Variants in RABGAP1 observed in about 807,000 individuals in gnomAD.
RABGAP1 encodes RAB GTPase activating protein 1, also known as rab GTPase-activating protein 1.
A neutral mutation model predicts 137.6 loss-of-function variants in RABGAP1; 23 were observed. The observed-to-expected ratio is 0.17, with a 90% CI of 0.12 to 0.24. The LOEUF is 0.24. Among genes scored for constraint, RABGAP1 ranks in the 10% least tolerant of loss-of-function variants. RABGAP1 has a pLI of 1.00. For synonymous variants in RABGAP1, 451 were observed against 450.7 expected (o/e 1.00, Z -0.01); for missense variants, 906 against 1,275.8 (o/e 0.71, Z 4.42).
In RABGAP1 at chr9:123,020,361, G is replaced by A. The variant is rs929870493; in HGVS notation, c.1696G>A (p.Gly566Ser). The A allele has an allele frequency of 5.6e-6, 9 of 1,601,298 alleles. No homozygotes were observed. Among genetic ancestry groups the A allele is most frequent in the African/African-American group, 2.7e-5 (2 of 74,674 alleles). ...PKQLSSLVRNGVPEALRGEVW... is the reference protein window; with the variant it reads ...PKQLSSLVRNSVPEALRGEVW... ...GCAGTTGTCATCCTTAGTAAGAAAC[G>A]GTGTCCCTGAAGCTCTTCGAGGAGA... Residue 566 changes from glycine (G) to serine (S), a missense_variant, in exon 13 of 26, where the codon GGT (glycine) becomes AGT (serine). Coordinates refer to ENST00000373647, the MANE Select transcript of RABGAP1 (RefSeq NM_012197.4).
At chr9:123,023,039 C>T (rs1048783894) in intron 13 of RABGAP1, among the ~76,000 whole-genome samples, 5 of 152,184 alleles carry the variant, frequency 3.3e-5, no homozygotes, top group South Asian at 2.1e-4. Flanking sequence ...AAATACACTG[C>T]GGTGACCACT....
At chr9:123,025,170 C>T (rs186627216) in intron 13 of RABGAP1, among the ~76,000 whole-genome samples, 84 of 152,184 alleles carry the variant, frequency 5.5e-4, no homozygotes, top group Admixed American at 1.8e-3. Context: ...TATTTTCCTA[C>T]TCAGTAGAAC....
At chr9:123,072,560 G>C (rs1223509984) in intron 15 of RABGAP1, among the ~76,000 whole-genome samples, 1 of 152,178 alleles carries the variant, frequency 6.6e-6, no homozygotes, top group Non-Finnish European at 1.5e-5. Flanking sequence ...TTTAGAGTGA[G>C]GGGAGATGGG....
chr9:122,976,580 A>G (rs765430670), intron 2 of RABGAP1, among the ~76,000 whole-genome samples: 1 of 152,240 alleles, frequency 6.6e-6, no homozygotes. Flanking sequence ...AATATTCAGT[A>G]TCCAAGTAGG....
chr9:122,986,484 G>C lies in RABGAP1; in HGVS notation c.590+65G>C. The C allele has an allele frequency of 1.3e-5, 19 of 1,497,470 alleles. No individual in the cohort carries two copies. The South Asian group carries it at 2.1e-4, about 16-fold the overall frequency. The allele number at this position is 1,497,470 out of a possible 1,614,324, so 92.8% of individuals were successfully genotyped here. On this transcript the variant is annotated intron_variant, in intron 4 of 25. Transcript: ENST00000373647. The stretch of plus-strand genomic sequence containing the variant: ...GATCTCTGACCTGTTGCTTCAGAAA[G>C]AAGCAATAGTGAATAAAATACATAT...
chr9:123,004,781 G>A (rs1239272683), intron 10 of RABGAP1, among the ~76,000 whole-genome samples: 2 of 151,976 alleles, frequency 1.3e-5, no homozygotes, highest in Non-Finnish European at 2.9e-5. Flanking sequence ...AGTCAGCCAG[G>A]CACGGTGGCT....
At chr9:122,937,229 A>G (rs946073461), upstream of RABGAP1, among the ~76,000 whole-genome samples, 6 of 152,370 alleles carry the variant, frequency 3.9e-5, no homozygotes, top group African/African-American at 1.4e-4. Flanking sequence ...AACTCAAACT[A>G]TTCCCACAGA....
At chr9:122,992,150 C>T (rs994765776) in intron 6 of RABGAP1, among the ~76,000 whole-genome samples, 17 of 152,100 alleles carry the variant, frequency 1.1e-4, no homozygotes, top group African/African-American at 4.1e-4. Flanking sequence ...AATTCTCATG[C>T]CTCAGCCTCC....
intron 11 of RABGAP1, among the ~76,000 whole-genome samples, chr9:123,011,929 C>T (rs1027169155): frequency 1.3e-5 from 2 of 152,158 alleles, no homozygotes; most frequent in African/African-American, 2.4e-5. Flanking sequence ...GCACTCCAGC[C>T]TGGGCAACAA....
At position 123,103,071 on chromosome 9, in the gene RABGAP1, G is replaced by A; in HGVS notation, c.3088-20G>A. 17 of 1,611,896 alleles carry A rather than the reference G, an allele frequency of 1.1e-5. No individual in the cohort carries two copies. Among genetic ancestry groups the A allele is most frequent in the Non-Finnish European group, 1.4e-5 (17 of 1,178,946 alleles). Reference sequence around the variant, plus strand: ...TTGACACCAAGCCCAGCATCCTCATGCACACTGTTCCTCTTGCAGGACTTG... The same window carrying A: ...TTGACACCAAGCCCAGCATCCTCATACACACTGTTCCTCTTGCAGGACTTG... On this transcript the variant is annotated intron_variant, in intron 25 of 25. Transcript: ENST00000373647.
chr9:123,021,072 T>G (rs1478924935), intron 13 of RABGAP1, among the ~76,000 whole-genome samples: 1 of 152,154 alleles, frequency 6.6e-6, no homozygotes, highest in Non-Finnish European at 1.5e-5. Flanking sequence ...ATGTTTTCGG[T>G]TTTAGTTTTA....
At chr9:122,935,747 C>G in the RABGAP1 span, among the ~76,000 whole-genome samples, 1 of 152,198 alleles carries the variant, frequency 6.6e-6, no homozygotes, top group Non-Finnish European at 1.5e-5. Context: ...GTGTATTTGA[C>G]TTACTAGAGA....
chr9:123,022,229 G>A (rs560323464), intron 13 of RABGAP1, among the ~76,000 whole-genome samples: 49 of 152,286 alleles, frequency 3.2e-4, no homozygotes, highest in African/African-American at 1.2e-3. Flanking sequence ...TGAAGTGTCT[G>A]TAACTGAATG....
intron 2 of RABGAP1, among the ~76,000 whole-genome samples, chr9:122,982,497 C>G (rs574415848): frequency 6.6e-6 from 1 of 152,294 alleles, no homozygotes; most frequent in African/African-American, 2.4e-5. Flanking sequence ...TCCTTCAATT[C>G]CAGTTGCATT....
Position 123,076,204 on chromosome 9 carries a change from T to A in RABGAP1, c.2254-41T>A, listed in dbSNP as rs200128933. On this transcript the variant is annotated intron_variant, in intron 17 of 25. Transcript: ENST00000373647. ...AGGACAAATAGCATAATAGTCGAGA[T>A]ATAAAAACTGACAGTGTTCTTTTTG... is the stretch of plus-strand genomic sequence containing the variant. The A allele has an allele frequency of 2.5e-5, 39 of 1,584,580 alleles. No individual in the cohort carries two copies. In the East Asian group the frequency reaches 7.9e-4, roughly 32 times the overall value.
intron 2 of RABGAP1, among the ~76,000 whole-genome samples, chr9:122,983,866 T>C (rs1836222041): frequency 6.6e-6 from 1 of 152,216 alleles, no homozygotes; most frequent in Non-Finnish European, 1.5e-5. Flanking sequence ...CATGACTCCA[T>C]AGAATTACTT....
At chr9:122,959,106 G>A (rs1204126045) in intron 2 of RABGAP1, among the ~76,000 whole-genome samples, 1 of 151,988 alleles carries the variant, frequency 6.6e-6, no homozygotes, top group Non-Finnish European at 1.5e-5. Context: ...GTGAATGACA[G>A]GTGCTTTTTT....
At chr9:123,073,902 G>A (rs559443221) in intron 16 of RABGAP1, among the ~76,000 whole-genome samples, 1 of 152,314 alleles carries the variant, frequency 6.6e-6, no homozygotes, top group East Asian at 1.9e-4. Flanking sequence ...CAAAAGATCA[G>A]ATGACTTTGT....
chr9:123,082,979 C>T (rs2034759015), intron 19 of RABGAP1, among the ~76,000 whole-genome samples: 1 of 152,170 alleles, frequency 6.6e-6, no homozygotes, highest in Admixed American at 6.5e-5. Flanking sequence ...CGACTTCATC[C>T]GTCTTGTTTG....
Sources: gnomAD v4.1 joint callset for allele counts (sites outside exome capture counted in the v4.1 genomes callset) on GRCh38, gnomAD v4.1.1 for gene constraint, MANE v1.5 for transcripts, NCBI Gene and HGNC (gene_info 2026-07-23, HGNC 2026-07-21) for gene names.